CADPS: variants seen among roughly 807,000 people sequenced by gnomAD.
CADPS encodes calcium-dependent secretion activator 1.
A neutral mutation model predicts 167.3 loss-of-function variants in CADPS; 57 were observed. The ratio of observed to expected loss-of-function variants is 0.34; its 90% CI spans 0.28 to 0.42. The LOEUF (loss-of-function observed/expected upper bound fraction) is 0.42, where lower values mean the gene tolerates loss of function less well. Among genes scored for constraint, CADPS ranks in the 20% least tolerant of loss-of-function variants. The pLI is 1.00. For missense variants in CADPS, 1,414 were observed against 1,738.1 expected (o/e 0.81, Z 3.32); for synonymous variants, 676 against 635.3 (o/e 1.06, Z -0.96).
At chr3:62,820,222 A>T (rs9311850) in intron 1 of CADPS, among the ~76,000 whole-genome samples, 45,398 of 152,100 alleles carry the variant, frequency 0.3, 7,226 homozygotes, top group African/African-American at 0.41. Context: ...CACTGGGCTC[A>T]ATCTGAAAAT....
At chr3:62,734,831 C>A (rs2078665142) in intron 3 of CADPS, among the ~76,000 whole-genome samples, 1 of 152,180 alleles carries the variant, frequency 6.6e-6, no homozygotes, top group Non-Finnish European at 1.5e-5. Flanking sequence ...GATGGAACTA[C>A]TGAGCTTTAT....
In CADPS at chr3:62,412,485, A is replaced by G. The variant is rs1169104251; in HGVS notation, c.3778-9300T>C. ...TAAAATATTTGCTGCTTCTGTGGGA[A>G]GGTATAAGGGATTTAACATTTGGGA... On this transcript the variant is annotated intron_variant, in intron 28 of 29. Transcript: ENST00000383710. The surrounding 1 kb of genome is among the most constrained non-coding windows in gnomAD (Gnocchi z 4.1). 2.0e-5 allele frequency among the ~76,000 whole-genome samples: 3 copies of G among 152,190 alleles called. No individual in the cohort carries two copies. Among genetic ancestry groups the G allele is most frequent in the Non-Finnish European group, 1.5e-5 (1 of 68,032 alleles).
intron 3 of CADPS, among the ~76,000 whole-genome samples, chr3:62,705,627 C>T (rs986250572): frequency 5.3e-5 from 8 of 152,100 alleles, no homozygotes; most frequent in Non-Finnish European, 7.3e-5. Flanking sequence ...CTGGCTTAAT[C>T]TCCAAGCCTA....
chr3:62,567,369 G>A (rs116714094), intron 9 of CADPS, among the ~76,000 whole-genome samples: 365 of 151,870 alleles, frequency 2.4e-3, no homozygotes, highest in African/African-American at 8.3e-3. Context: ...CAGACACTGG[G>A]CTAGGGACTG....
Position 62,754,678 on chromosome 3 carries a change from C to T in CADPS, c.556-905G>A, listed in dbSNP as rs112081977. Among the ~76,000 whole-genome samples the T allele has an allele frequency of 1.0e-3, 152 of 152,176 alleles. 1 individual carries two copies. The highest frequency in any genetic ancestry group is 3.5e-3 in the African/African-American group (147 of 41,518). ...TAATTTTTTAAACTTTTTGTAGAGA[C>T]AGGGTCTTGCTGTGTTGCCTAGGCC... is the stretch of plus-strand genomic sequence containing the variant. On this transcript the variant is annotated intron_variant, in intron 2 of 29. Transcript: ENST00000383710.
At position 62,809,460 on chromosome 3, in the gene CADPS, A is replaced by G. The variant is rs181607832; in HGVS notation, c.442-43476T>C. Among the ~76,000 whole-genome samples the G allele has an allele frequency of 3.3e-3, 506 of 152,260 alleles. 1 individual carries two copies. Among genetic ancestry groups the G allele is most frequent in the Non-Finnish European group, 5.6e-3 (384 of 68,014 alleles). On this transcript the variant is annotated intron_variant, in intron 1 of 29. Coordinates refer to ENST00000383710, the MANE Select transcript of CADPS (RefSeq NM_003716.4). ...TTGTCCTTTCTCAGAGCTTTTCCAC[A>G]GCAATCATCCTTACATTTGCCAGGA...
intron 1 of CADPS, among the ~76,000 whole-genome samples, chr3:62,797,553 C>G (rs763920856): frequency 6.6e-6 from 1 of 152,038 alleles, no homozygotes; most frequent in South Asian, 2.1e-4. Context: ...CCTTAGCAAA[C>G]GAATGCAGGA....
chr3:62,627,642 T>TA (rs61685165), intron 6 of CADPS, among the ~76,000 whole-genome samples: 105,549 of 151,754 alleles, frequency 0.7, 37,835 homozygotes, highest in East Asian at 0.86. Flanking sequence ...AATACAGAAT[T>TA]AAAAAAATGT....
At chr3:62,556,480 A>G (rs1006970934) in intron 10 of CADPS, among the ~76,000 whole-genome samples, 2 of 152,158 alleles carry the variant, frequency 1.3e-5, no homozygotes, top group African/African-American at 2.4e-5. Context: ...TTGCATGTGG[A>G]AGAGCAATAT....
rs1167854527 is a variant in CADPS at position 62,485,231 on chromosome 3, G to GA, written c.3027-3363dup. Reference sequence around the variant, plus strand: ...CCCCATTGAGAATGTATCATCTACAGAAAAAAAAAAAATTCCAAACTTTGT... The same window carrying GA: ...CCCCATTGAGAATGTATCATCTACAGAAAAAAAAAAAAATTCCAAACTTTGT... On this transcript the variant is annotated intron_variant, in intron 21 of 29. Coordinates refer to ENST00000383710, the MANE Select transcript of CADPS (RefSeq NM_003716.4). Among the ~76,000 whole-genome samples, 146 of 143,840 alleles carry GA rather than the reference G, an allele frequency of 1.0e-3. 2 individuals are homozygous for GA. Among genetic ancestry groups the GA allele is most frequent in the East Asian group, 1.6e-3 (8 of 4,976 alleles). 94.4% of individuals were successfully genotyped at this position (143,840 alleles called of 152,430 possible). A position where few individuals can be genotyped will look rare whatever the true frequency, so the allele number is the denominator to read the frequency against.
intron 1 of CADPS, among the ~76,000 whole-genome samples, chr3:62,774,264 T>C (rs2089713825): frequency 6.6e-6 from 1 of 151,986 alleles, no homozygotes; most frequent in Non-Finnish European, 1.5e-5. Flanking sequence ...GGACAAATGT[T>C]CCACCCTTGA....
chr3:62,420,018 C>T lies in CADPS; in HGVS notation c.3778-16833G>A, dbSNP rs889043390. ...AATTGACTTTAGGGAGTTGCTTTCC[C>T]GGGCTGAGGTGGTTTTCATCATTAC... On this transcript the variant is annotated intron_variant, in intron 28 of 29. Transcript: ENST00000383710. The surrounding 1 kb of genome is among the most constrained non-coding windows in gnomAD (Gnocchi z 4.1). Among the ~76,000 whole-genome samples the T allele has an allele frequency of 4.6e-5, 7 of 152,034 alleles. No individual in the cohort carries two copies. In the East Asian group the frequency reaches 9.6e-4, roughly 21 times the overall value.
chr3:62,702,817 G>T (rs2081633042), intron 3 of CADPS, among the ~76,000 whole-genome samples: 1 of 152,078 alleles, frequency 6.6e-6, no homozygotes, highest in South Asian at 2.1e-4. Context: ...TTCTGTATGG[G>T]TAGGGGCTAC....
At chr3:62,695,668 TTTTTG>T (rs963222413) in intron 3 of CADPS, among the ~76,000 whole-genome samples, 3 of 151,992 alleles carry the variant, frequency 2.0e-5, no homozygotes, top group Non-Finnish European at 4.4e-5. Context: ...TTTGGTTGCT[TTTTTG>T]TTTTGTTTTG....
At chr3:62,804,215 T>A (rs764433146) in intron 1 of CADPS, among the ~76,000 whole-genome samples, 6 of 152,118 alleles carry the variant, frequency 3.9e-5, no homozygotes, top group Non-Finnish European at 8.8e-5. Context: ...CCACAATAAA[T>A]ACTTGACGGA....
chr3:62,844,670 A>G lies in CADPS; in HGVS notation c.441+29919T>C, dbSNP rs1026224551. Among the ~76,000 whole-genome samples, 4 of 152,174 alleles carry G rather than the reference A, an allele frequency of 2.6e-5. No homozygotes were observed. The South Asian group carries it at 6.2e-4, about 24-fold the overall frequency. On this transcript the variant is annotated intron_variant, in intron 1 of 29. Coordinates refer to ENST00000383710, the MANE Select transcript of CADPS (RefSeq NM_003716.4). ...TGAACTATTTGAAGACCAAAACTAG[A>G]GACTTAAAGATCTCAGTGCAGTAGG...
chr3:62,400,597 T>TTTTCTTTCTTTTTTTTTTTC (rs374226223), intron 29 of CADPS, among the ~76,000 whole-genome samples: 1 of 133,852 alleles, frequency 7.5e-6, no homozygotes, highest in East Asian at 2.2e-4. Context: ...TTCTTTTTTT[T>TTTTCTTTCTTTTTTTTTTTC]TTTCTTTTTT....
At chr3:62,644,213 G>C (rs2068037474) in intron 6 of CADPS, among the ~76,000 whole-genome samples, 1 of 152,174 alleles carries the variant, frequency 6.6e-6, no homozygotes, top group African/African-American at 2.4e-5. Context: ...AATGCTCTGG[G>C]GGAGGAGAGG....
At chr3:62,771,438 G>A (rs1278889647) in intron 1 of CADPS, among the ~76,000 whole-genome samples, 1 of 152,180 alleles carries the variant, frequency 6.6e-6, no homozygotes, top group Non-Finnish European at 1.5e-5. Flanking sequence ...AGAATCAACT[G>A]TGGGACAGAG....
Sources: gnomAD v4.1 joint callset for allele counts (sites outside exome capture counted in the v4.1 genomes callset) on GRCh38, gnomAD v4.1.1 for gene constraint, Gnocchi (gnomAD v3.1) non-coding constraint, MANE v1.5 for transcripts, NCBI Gene and HGNC (gene_info 2026-07-23, HGNC 2026-07-21) for gene names.